The following PLB1 variants were observed in gnomAD, a reference collection of about 807,000 sequenced individuals.
PLB1 encodes phospholipase B1, membrane-associated.
In PLB1, 242 loss-of-function variants were observed where a neutral mutation model predicts 227.4. The ratio of observed to expected loss-of-function variants is 1.06; its 90% CI spans 0.96 to 1.18. The LOEUF is 1.18. Ranked by LOEUF, PLB1 falls within the 50% of genes most tolerant of loss-of-function variation. The pLI is 0.00. For synonymous variants in PLB1, 757 were observed against 682.2 expected (o/e 1.11, Z -1.71); for missense variants, 1,858 against 1,816.3 (o/e 1.02, Z -0.42).
At chr2:28,520,849 C>T (rs929329221) in intron 4 of PLB1, among the ~76,000 whole-genome samples, 2 of 152,078 alleles carry the variant, frequency 1.3e-5, no homozygotes, top group Non-Finnish European at 2.9e-5. Flanking sequence ...GTCGTGGGCA[C>T]CTGTAATCCC....
chr2:28,583,632 A>C (rs1680427033), intron 25 of PLB1, among the ~76,000 whole-genome samples: 2 of 152,044 alleles, frequency 1.3e-5, no homozygotes, highest in African/African-American at 4.8e-5. Context: ...GCTGCGATGC[A>C]CTCTCTTTTC....
At chr2:28,617,696 G>T in intron 44 of PLB1, 31 bp from the exon 45 acceptor site, 1 of 1,607,266 alleles carries the variant, frequency 6.2e-7, no homozygotes. Flanking sequence ...AATGAGTGTT[G>T]GGCACTGAAT....
rs12989089 is a variant in PLB1 at position 28,583,020 on chromosome 2, G to A, written c.1733+515G>A. 4.7e-3 allele frequency among the ~76,000 whole-genome samples: 708 copies of A among 152,218 alleles called. 4 individuals are homozygous for A. The highest frequency in any genetic ancestry group is 7.9e-3 in the Non-Finnish European group (537 of 67,994). ...CAAACCAGAATTAGCAGGGTCCAGAGGACAGAGTCCTCCCCAGAGAGTAGA... is the reference window on the plus strand; with the variant it reads ...CAAACCAGAATTAGCAGGGTCCAGAAGACAGAGTCCTCCCCAGAGAGTAGA... On this transcript the variant is annotated intron_variant, in intron 25 of 57. Transcript: ENST00000327757.
At chr2:28,642,495 G>A (rs1315248468) in intron 57 of PLB1, among the ~76,000 whole-genome samples, 1 of 152,208 alleles carries the variant, frequency 6.6e-6, no homozygotes, top group Non-Finnish European at 1.5e-5. Context: ...GTAGTCCTGG[G>A]ATGGGAGAAT....
rs146560841 is a variant in PLB1 at position 28,532,108 on chromosome 2, C to A, written c.469C>A (p.Gln157Lys). The A allele has an allele frequency of 6.2e-7, 1 of 1,609,408 alleles. No individual in the cohort carries two copies. The highest frequency in any genetic ancestry group is 8.5e-7 in the Non-Finnish European group (1 of 1,177,450). ...TTCATGCTGTTGCCCTTTTATTCAG[C>A]AACTTGACTTTCAATTTGACTGGAA... ...ELVRNMKENLQLDFQFDWKLI... is the reference protein window; with the variant it reads ...ELVRNMKENLKLDFQFDWKLI... The change falls in exon 9 of 58, where the codon CAA becomes AAA. Residue 157 changes from glutamine (Q) to lysine (K), a missense_variant and splice_region_variant. Transcript: ENST00000327757.
Position 28,540,364 on chromosome 2 carries a change from A to C in PLB1, c.699-2A>C, listed in dbSNP as rs1672315142. 6.2e-7 allele frequency: 1 copy of C among 1,613,736 alleles called. No individual in the cohort carries two copies. Among genetic ancestry groups the C allele is most frequent in the African/African-American group, 1.3e-5 (1 of 74,890 alleles). ...TCATTCCTGGTGTGTTTTAACCTGCAGCCCTGCACCAGAGCCCTGTAATTG... is the reference window on the plus strand; with the variant it reads ...TCATTCCTGGTGTGTTTTAACCTGCCGCCCTGCACCAGAGCCCTGTAATTG... On this transcript the variant is annotated splice_acceptor_variant, in intron 11 of 57. Transcript: ENST00000327757. LOFTEE classifies it high-confidence loss of function.
intron 56 of PLB1, among the ~76,000 whole-genome samples, chr2:28,634,854 T>G (rs1452630866): frequency 2.0e-5 from 3 of 151,962 alleles, no homozygotes; most frequent in Admixed American, 6.6e-5. Context: ...AAGGCTGCAA[T>G]GAGCCGAGAT....
chr2:28,621,874 C>A (rs532668965), intron 49 of PLB1, among the ~76,000 whole-genome samples: 1 of 141,990 alleles, frequency 7.0e-6, no homozygotes, highest in Admixed American at 7.0e-5. Context: ...TTATCATCAT[C>A]ATTTTGTTGT....
At chr2:28,550,109 A>G (rs1673982565) in intron 16 of PLB1, 25 bp downstream of exon 16, 13 of 1,559,704 alleles carry the variant, frequency 8.3e-6, no homozygotes, top group Non-Finnish European at 1.1e-5. Context: ...TCTGTAATTG[A>G]CAAACATGCA....
In PLB1 at chr2:28,620,334, T is replaced by G; in HGVS notation, c.3383+2T>G. On this transcript the variant is annotated splice_donor_variant, in intron 47 of 57. Coordinates refer to ENST00000327757, the MANE Select transcript of PLB1 (RefSeq NM_153021.5). LOFTEE classifies it high-confidence loss of function. ...ATCTTGGAGGGGACTCTCTTGGAGG[T>G]GAGGATGTTCTTGATGCATGCTCTA... is the stretch of plus-strand genomic sequence containing the variant. The G allele has an allele frequency of 1.3e-6, 2 of 1,596,562 alleles. No homozygotes were observed. Among genetic ancestry groups the G allele is most frequent in the African/African-American group, 1.3e-5 (1 of 74,516 alleles).
intron 33 of PLB1, among the ~76,000 whole-genome samples, chr2:28,596,992 G>A (rs998316041): frequency 8.5e-5 from 13 of 152,164 alleles, no homozygotes; most frequent in South Asian, 2.1e-4. Flanking sequence ...GGCCAGGCGC[G>A]GTGGCTCACG....
At chr2:28,578,306 C>T (rs1217428080) in intron 22 of PLB1, 148 bp downstream of exon 22, 4 of 779,462 alleles carry the variant, frequency 5.1e-6, no homozygotes, top group African/African-American at 1.7e-5. Context: ...AAGGGGATTC[C>T]TATTTGTTCA....
At chr2:28,540,556 C>A in intron 12 of PLB1, 115 bp downstream of exon 12, 1 of 819,612 alleles carries the variant, frequency 1.2e-6, no homozygotes, top group Admixed American at 2.1e-5. Flanking sequence ...ACTTCTCCAG[C>A]TGAATTCAGG....
At chr2:28,597,279 A>AC (rs1178630805) in intron 33 of PLB1, among the ~76,000 whole-genome samples, 1 of 151,930 alleles carries the variant, frequency 6.6e-6, no homozygotes, top group Non-Finnish European at 1.5e-5. Context: ...AAAAAAAAAA[A>AC]AAAATCCATT....
intron 20 of PLB1, among the ~76,000 whole-genome samples, chr2:28,569,952 C>A (rs1419675363): frequency 8.0e-6 from 1 of 124,738 alleles, no homozygotes; most frequent in African/African-American, 3.0e-5. Context: ...GGCAACAGAG[C>A]GAGACTCCAT....
chr2:28,555,141 CTTTTTTTTTT>C (rs3041204), intron 17 of PLB1, among the ~76,000 whole-genome samples: 1 of 120,234 alleles, frequency 8.3e-6, no homozygotes, highest in African/African-American at 3.2e-5. Flanking sequence ...TGCCAGTGAT[CTTTTTTTTTT>C]TTTTTTTTGA....
chr2:28,598,860 CTT>C, intron 35 of PLB1, 100 bp downstream of exon 35: 1 of 1,018,200 alleles, frequency 9.8e-7, no homozygotes, highest in Non-Finnish European at 1.5e-6. Context: ...CAAAGGGGCA[CTT>C]AGCCACTTGT....
intron 43 of PLB1, among the ~76,000 whole-genome samples, chr2:28,607,054 A>T (rs1232402937): frequency 6.6e-6 from 1 of 152,140 alleles, no homozygotes; most frequent in Non-Finnish European, 1.5e-5. Flanking sequence ...CAGAGCCCAG[A>T]GCTGTATGGA....
chr2:28,600,746 C>T, intron 35 of PLB1, 63 bp from the exon 36 acceptor site: 1 of 1,529,992 alleles, frequency 6.5e-7, no homozygotes, highest in Non-Finnish European at 9.1e-7. Context: ...GGTTCAGGCC[C>T]TCTAGGAGGA....
Sources: gnomAD v4.1 joint callset for allele counts (sites outside exome capture counted in the v4.1 genomes callset) on GRCh38, gnomAD v4.1.1 for gene constraint, MANE v1.5 for transcripts, NCBI Gene and HGNC (gene_info 2026-07-23, HGNC 2026-07-21) for gene names.